FAAP20: variants seen among roughly 807,000 people sequenced by gnomAD.
FAAP20 encodes the protein Fanconi anemia core complex-associated protein 20.
Under a neutral mutation model 16.2 loss-of-function variants are expected in FAAP20, and 12 were observed. The observed-to-expected ratio is 0.74, with a 90% CI of 0.48 to 1.20. FAAP20 has a LOEUF of 1.20. Ranked by LOEUF, FAAP20 falls within the 50% of genes most tolerant of loss-of-function variation. The pLI, the probability that FAAP20 is intolerant of heterozygous loss-of-function variation, is 0.00. For synonymous variants in FAAP20, 141 were observed against 110.7 expected (o/e 1.27, Z -1.72); for missense variants, 288 against 245.8 (o/e 1.17, Z -1.15).
Position 2,193,896 on chromosome 1 carries a change from G to A in FAAP20, c.213C>T (p.Gly71=). 6.2e-7 allele frequency: 1 copy of A among 1,612,240 alleles called. No individual in the cohort carries two copies. The highest frequency in any genetic ancestry group is 8.5e-7 in the Non-Finnish European group (1 of 1,179,754). The change falls in exon 3 of 4, where the codon GGC becomes GGT. Residue 71 remains glycine, a synonymous_variant. Transcript: ENST00000378546. ...PAFPGQEPRC[G]PEPTEVFTVG... ...CAGTGAAGACTTCAGTGGGCTCCGG[G>A]CCGCACCTGGGCTCCTGCAACACAG...
At chr1:2,200,907 A>G, upstream of FAAP20, 2 of 1,117,778 alleles carry the variant, frequency 1.8e-6, no homozygotes, top group Non-Finnish European at 2.2e-6. Flanking sequence ...GTCCCCAGGG[A>G]AGGTCTGGCT....
At chr1:2,211,444 T>G (rs1185124741), downstream of FAAP20, among the ~76,000 whole-genome samples, 2 of 63,526 alleles carry the variant, frequency 3.1e-5, no homozygotes, top group Non-Finnish European at 5.8e-5. Flanking sequence ...TATTTTTTTT[T>G]TTTTTTTTTT....
Position 2,193,779 on chromosome 1 carries a change from G to A in FAAP20, c.330C>T (p.His110=), listed in dbSNP as rs1170636277. The change falls in exon 3 of 4, where the codon CAC becomes CAT. Residue 110 remains histidine (H), a synonymous_variant. Transcript: ENST00000378546. ...GCAGGGACCTGGCGGGGGATTCCAGGTGCCCTCCTGCCCCGTGAAGCAGCC... is the reference window on the plus strand; with the variant it reads ...GCAGGGACCTGGCGGGGGATTCCAGATGCCCTCCTGCCCCGTGAAGCAGCC... ...SYRLLHGAGG[H]LESPARSLPQ... is the part of the protein sequence containing the mutation. 8.8e-6 allele frequency: 14 copies of A among 1,596,382 alleles called. No individual in the cohort carries two copies. Among genetic ancestry groups the A allele is most frequent in the Admixed American group, 1.9e-5 (1 of 53,784 alleles).
chr1:2,205,393 T>TCCCCGTGAG (rs1251715551), intron 3 of FAAP20, among the ~76,000 whole-genome samples: 1 of 147,504 alleles, frequency 6.8e-6, no homozygotes, highest in Non-Finnish European at 1.5e-5. Context: ...GGGGCAGCCG[T>TCCCCGTGAG]CCCCGTGAGC....
At chr1:2,198,194 G>A (rs1688899578), upstream of FAAP20, 1 of 1,257,794 alleles carries the variant, frequency 8.0e-7, no homozygotes, top group African/African-American at 1.5e-5. Flanking sequence ...CAGTGGAAAT[G>A]AGTTTTTTCT....
At chr1:2,195,041 G>A (rs1688749887), upstream of FAAP20, among the ~76,000 whole-genome samples, 1 of 151,370 alleles carries the variant, frequency 6.6e-6, no homozygotes, top group African/African-American at 2.4e-5. Flanking sequence ...CCGTTACCCC[G>A]ATGGCTGCCC....
At chr1:2,189,357 C>T (rs1263748257), downstream of FAAP20, among the ~76,000 whole-genome samples, 1 of 151,832 alleles carries the variant, frequency 6.6e-6, no homozygotes, top group Admixed American at 6.6e-5. Context: ...AAAAAAAAAC[C>T]GTGACTGCAC....
At chr1:2,210,283 G>A (rs2100768956), downstream of FAAP20, among the ~76,000 whole-genome samples, 1 of 152,356 alleles carries the variant, frequency 6.6e-6, no homozygotes, top group East Asian at 1.9e-4. Context: ...TATCGTTTCT[G>A]GGAGTGGCGA....
chr1:2,208,406 G>A (rs1048752894), downstream of FAAP20, among the ~76,000 whole-genome samples: 2 of 152,146 alleles, frequency 1.3e-5, no homozygotes, highest in Non-Finnish European at 2.9e-5. Flanking sequence ...ATCCAAACTT[G>A]TTGTTAACTT....
chr1:2,194,266 G>A, intron 1 of FAAP20, 133 bp from the exon 2 acceptor site: 12 of 1,281,568 alleles, frequency 9.4e-6, no homozygotes, highest in South Asian at 2.9e-5. Context: ...GGTGCGGGAG[G>A]TGGCCGGCAG....
upstream of FAAP20, chr1:2,200,893 G>A (rs1425833557): frequency 2.7e-6 from 3 of 1,093,866 alleles, no homozygotes; most frequent in Non-Finnish European, 2.3e-6. Flanking sequence ...GGACCCCCTC[G>A]GGAGTCCCCA....
rs200741331 is a variant in FAAP20 at position 2,194,160 on chromosome 1, G to C, written c.63-27C>G. 1.0e-3 allele frequency: 1,631 copies of C among 1,610,790 alleles called. 30 individuals carry two copies. The Admixed American group carries it at 0.026, about 26-fold the overall frequency. ...TGGGGCAGACAGAGAGGGCAGACAG[G>C]GGGTACTCAGTAGCGGAAACGCTAT... On this transcript the variant is annotated intron_variant, in intron 1 of 3. Transcript: ENST00000378546.
chr1:2,184,618 A>G, downstream of FAAP20: 1 of 1,614,102 alleles, frequency 6.2e-7, no homozygotes, highest in East Asian at 2.2e-5. Flanking sequence ...CATTCCAGCC[A>G]CAGATCACAG....
chr1:2,194,759 C>T lies in FAAP20; in HGVS notation c.-10G>A. 1.7e-6 allele frequency: 2 copies of T among 1,179,802 alleles called. No individual in the cohort carries two copies. Among genetic ancestry groups the T allele is most frequent in the Non-Finnish European group, 1.0e-6 (1 of 955,794 alleles). 73.1% of individuals were successfully genotyped at this position (1,179,802 alleles called of 1,614,324 possible). On this transcript the variant is annotated 5_prime_UTR_variant, in exon 1 of 4. Coordinates refer to ENST00000378546, the MANE Select transcript of FAAP20 (RefSeq NM_182533.4). ...TCCGCGCCGCCTCCATCCAAGCCCG[C>T]GCCGGGCGGAAGTGAGCGCAAGCCC...
chr1:2,188,568 C>G (rs909419905), downstream of FAAP20, among the ~76,000 whole-genome samples: 2 of 152,314 alleles, frequency 1.3e-5, no homozygotes, highest in Admixed American at 1.3e-4. Flanking sequence ...GGCGCCGCCC[C>G]GACCTCCTGT....
chr1:2,205,716 CCCGCTGCGCCGCA>C (rs1215832497), intron 3 of FAAP20, among the ~76,000 whole-genome samples: 2 of 152,220 alleles, frequency 1.3e-5, no homozygotes, highest in Admixed American at 1.3e-4. Flanking sequence ...TGCGGGTGCC[CCCGCTGCGCCGCA>C]GGCCTCAGTG....
chr1:2,207,322 G>T (rs1557794768), downstream of FAAP20, among the ~76,000 whole-genome samples: 1 of 152,170 alleles, frequency 6.6e-6, no homozygotes, highest in Non-Finnish European at 1.5e-5. Flanking sequence ...CTTGGGCGTG[G>T]TCTGGTAGAT....
upstream of FAAP20, chr1:2,201,004 A>T (rs1557790399): frequency 7.9e-7 from 1 of 1,260,726 alleles, no homozygotes; most frequent in Non-Finnish European, 1.0e-6. Context: ...TGATGTCCTG[A>T]GATGAGATGC....
downstream of FAAP20, among the ~76,000 whole-genome samples, chr1:2,188,794 A>C (rs1377864998): frequency 6.7e-6 from 1 of 150,000 alleles, no homozygotes; most frequent in African/African-American, 2.5e-5. Flanking sequence ...TCACGAGGTC[A>C]GGAGATCAAG....
Sources: gnomAD v4.1 joint callset for allele counts (sites outside exome capture counted in the v4.1 genomes callset) on GRCh38, gnomAD v4.1.1 for gene constraint, MANE v1.5 for transcripts, NCBI Gene and HGNC (gene_info 2026-07-23, HGNC 2026-07-21) for gene names.